The following ARID4B variants were observed in gnomAD, a reference collection of about 807,000 sequenced individuals.
The protein encoded by ARID4B is AT-rich interaction domain 4B.
A neutral mutation model predicts 147.5 loss-of-function variants in ARID4B; 26 were observed. The observed-to-expected ratio is 0.18, with a 90% confidence interval of 0.13 to 0.24. ARID4B has a LOEUF of 0.24. ARID4B is among the 10% of genes least tolerant of loss of function. The pLI is 1.00. For missense variants in ARID4B, 1,179 were observed against 1,511.5 expected (o/e 0.78, Z 3.65); for synonymous variants, 512 against 507.9 (o/e 1.01, Z -0.11).
At chr1:235,326,575 C>G (rs1471966943) in intron 2 of ARID4B, among the ~76,000 whole-genome samples, 1 of 152,192 alleles carries the variant, frequency 6.6e-6, no homozygotes, top group Non-Finnish European at 1.5e-5. Flanking sequence ...ACTGATAGAA[C>G]CACAATACAG....
chr1:235,308,765 G>T (rs984702045), intron 2 of ARID4B, among the ~76,000 whole-genome samples: 10 of 152,122 alleles, frequency 6.6e-5, no homozygotes, highest in Non-Finnish European at 1.2e-4. Context: ...ACGGAGTCTG[G>T]TTCACTCAGT....
chr1:235,247,675 C>A (rs1669385015), intron 6 of ARID4B, among the ~76,000 whole-genome samples: 1 of 152,120 alleles, frequency 6.6e-6, no homozygotes, highest in African/African-American at 2.4e-5. Context: ...TCCTAATGAA[C>A]CTTAAATCAG....
intron 11 of ARID4B, among the ~76,000 whole-genome samples, chr1:235,225,156 G>T (rs183280822): frequency 6.6e-6 from 1 of 152,232 alleles, no homozygotes; most frequent in East Asian, 1.9e-4. Context: ...TGCGAAACTG[G>T]ATCAGAGTTA....
At chr1:235,272,991 T>A (rs958691383) in intron 2 of ARID4B, among the ~76,000 whole-genome samples, 1 of 152,140 alleles carries the variant, frequency 6.6e-6, no homozygotes, top group African/African-American at 2.4e-5. Flanking sequence ...TATCCACAAG[T>A]GGCAATTTTG....
At chr1:235,281,573 G>A (rs1043421683) in intron 2 of ARID4B, among the ~76,000 whole-genome samples, 1 of 151,978 alleles carries the variant, frequency 6.6e-6, no homozygotes, top group Non-Finnish European at 1.5e-5. Flanking sequence ...GAGCGTGGTA[G>A]CCCATGCCTG....
In ARID4B at chr1:235,221,886, ATTTTTTTTTTTTTTTTTTTTT is replaced by A. The variant is rs768600040; in HGVS notation, c.1066-245_1066-225del. 1.0e-3 allele frequency among the ~76,000 whole-genome samples: 55 copies of A among 53,676 alleles called. 2 individuals are homozygous for A. Among genetic ancestry groups the A allele is most frequent in the African/African-American group, 4.1e-3 (47 of 11,574 alleles). The allele number at this position is 53,676 out of a possible 152,430, so 35.2% of individuals were successfully genotyped here. A position where few individuals can be genotyped will look rare whatever the true frequency, so the allele number is the denominator to read the frequency against. On this transcript the variant is annotated intron_variant, in intron 13 of 23. Transcript: ENST00000264183. ...TGTTGAAATATTAAGTCATTTGACT[ATTTTTTTTTTTTTTTTTTTTT>A]TTTTTTTTTTTTTGGAGACAGGATC...
chr1:235,314,913 T>C (rs1162571465), intron 2 of ARID4B, among the ~76,000 whole-genome samples: 1 of 152,192 alleles, frequency 6.6e-6, no homozygotes, highest in Non-Finnish European at 1.5e-5. Flanking sequence ...AAGTGCATTG[T>C]TAAAATATGA....
At chr1:235,253,150 C>G (rs1669745524) in intron 5 of ARID4B, among the ~76,000 whole-genome samples, 1 of 152,176 alleles carries the variant, frequency 6.6e-6, no homozygotes, top group African/African-American at 2.4e-5. Flanking sequence ...AGTTTTCCTA[C>G]TGACAGATAT....
intron 7 of ARID4B, 141 bp downstream of exon 7, chr1:235,246,279 G>A (rs947270310): frequency 1.5e-6 from 1 of 653,218 alleles, no homozygotes. Context: ...CCATGCTGAG[G>A]AGTCTGAAAT....
Position 235,296,214 on chromosome 1 carries a change from G to GA in ARID4B, c.6+30699dup, listed in dbSNP as rs546210375. The GA allele has an allele frequency of 2.5e-3, 395 of 157,418 alleles. 2 individuals carry two copies. The highest frequency in any genetic ancestry group is 3.4e-3 in the Non-Finnish European group (239 of 71,042). The allele number at this position is 157,418 out of a possible 1,614,324, so 9.8% of individuals were successfully genotyped here. A position where few individuals can be genotyped will look rare whatever the true frequency, so the allele number is the denominator to read the frequency against. ...ACAAATACCAGATCAAACAGGCTAA[G>GA]AAAAAGCTCTGTGGCACTGACATGG... On this transcript the variant is annotated intron_variant, in intron 2 of 23. Transcript: ENST00000264183.
At chr1:235,184,500 A>G in intron 19 of ARID4B, among the ~76,000 whole-genome samples, 1 of 152,246 alleles carries the variant, frequency 6.6e-6, no homozygotes, top group East Asian at 1.9e-4. Context: ...GTTAAATCTA[A>G]GTCATTTAAC....
chr1:235,218,900 C>T (rs974260074), intron 16 of ARID4B, among the ~76,000 whole-genome samples: 50 of 143,960 alleles, frequency 3.5e-4, no homozygotes, highest in African/African-American at 1.2e-3. Flanking sequence ...GAGTCTCACT[C>T]GATCCCCCAA....
At chr1:235,178,048 C>CTTA (rs1664016211) in intron 20 of ARID4B, 135 bp from the exon 21 acceptor site, 1 of 471,714 alleles carries the variant, frequency 2.1e-6, no homozygotes, top group East Asian at 3.3e-5. Flanking sequence ...TGTCACAGAA[C>CTTA]TTACTACAAT....
chr1:235,317,872 T>G (rs1478460344), intron 2 of ARID4B, among the ~76,000 whole-genome samples: 2 of 152,156 alleles, frequency 1.3e-5, no homozygotes, highest in African/African-American at 4.8e-5. Flanking sequence ...TGGTGGCCAC[T>G]TGCCACAACA....
chr1:235,169,432 G>A (rs1223304946), intron 23 of ARID4B, among the ~76,000 whole-genome samples: 3 of 151,688 alleles, frequency 2.0e-5, no homozygotes, highest in Non-Finnish European at 4.4e-5. Flanking sequence ...TAGTAGAGAT[G>A]GGGTTTCACC....
intron 19 of ARID4B, among the ~76,000 whole-genome samples, chr1:235,190,898 C>T (rs1665051053): frequency 1.3e-5 from 2 of 152,190 alleles, no homozygotes; most frequent in South Asian, 2.1e-4. Context: ...CAGACTACAG[C>T]AGTGTTATTT....
intron 2 of ARID4B, among the ~76,000 whole-genome samples, chr1:235,287,684 T>C (rs191649243): frequency 3.3e-5 from 5 of 152,356 alleles, no homozygotes; most frequent in African/African-American, 1.2e-4. Flanking sequence ...TACTGTTAAA[T>C]AAGCTTGACA....
At position 235,255,392 on chromosome 1, in the gene ARID4B, A is replaced by AG. The variant is rs1669920907; in HGVS notation, c.274+267_274+268insC. On this transcript the variant is annotated intron_variant, in intron 5 of 23. Coordinates refer to ENST00000264183, the MANE Select transcript of ARID4B (RefSeq NM_016374.6). Reference sequence around the variant, plus strand: ...TTAAAAATAGGTAAGATTGGGGAAAAAAAGAAATTTACCTAAGATATACTT... The same window carrying AG: ...TTAAAAATAGGTAAGATTGGGGAAAAGAAAGAAATTTACCTAAGATATACTT... 7.9e-5 allele frequency among the ~76,000 whole-genome samples: 12 copies of AG among 152,092 alleles called. No individual in the cohort carries two copies. In the South Asian group the frequency reaches 2.5e-3, roughly 32 times the overall value.
Position 235,175,371 on chromosome 1 carries a change from T to C in ARID4B, c.3477A>G (p.Ser1159=), listed in dbSNP as rs376544379. 1.1e-5 allele frequency: 17 copies of C among 1,613,832 alleles called. No homozygotes were observed. In the African/African-American group the frequency reaches 2.1e-4, roughly 20 times the overall value. The change falls in exon 22 of 24, where the codon TCA becomes TCG. Residue 1159 remains serine (S), a synonymous_variant. Coordinates refer to ENST00000264183, the MANE Select transcript of ARID4B (RefSeq NM_016374.6). ...GTNSSDSEEL[S]AGESITKSQP... ...GACTCTTAGTTATACTTTCACCAGC[T>C]GAAAGTTCTTCACTATCACTACTAT...
Sources: gnomAD v4.1 joint callset for allele counts (sites outside exome capture counted in the v4.1 genomes callset) on GRCh38, gnomAD v4.1.1 for gene constraint, MANE v1.5 for transcripts, NCBI Gene and HGNC (gene_info 2026-07-23, HGNC 2026-07-21) for gene names.